Variants in METTL26 observed in about 807,000 individuals in gnomAD.
METTL26 encodes methyltransferase like 26, also known as methyltransferase-like 26.
METTL26 carries 28 observed loss-of-function variants against 24.7 expected under a neutral mutation model. That is an observed-to-expected ratio of 1.13 (90% CI 0.84 to 1.55). METTL26 has a LOEUF of 1.55. Among genes scored for constraint, METTL26 ranks in the 40% most tolerant of loss-of-function variants. METTL26 has a pLI of 0.00. For synonymous variants in METTL26, 165 were observed against 125.2 expected, an observed-to-expected ratio of 1.32 and a Z score of -2.12; for missense variants, 344 against 281.2, an observed-to-expected ratio of 1.22 and a Z score of -1.60.
Position 636,090 on chromosome 16 carries a change from G to T in METTL26, c.197+4C>A, listed in dbSNP as rs1195079275. The stretch of plus-strand genomic sequence containing the variant: ...GATAGAAGTGGCCGCCCCGGGGGCC[G>T]CACCTGTCCAGGCAGCGCTGGTCCA... On this transcript the variant is annotated splice_donor_region_variant and intron_variant, in intron 1 of 5. Transcript: ENST00000301686. 7.1e-7 allele frequency: 1 copy of T among 1,405,906 alleles called. No homozygotes were observed. The highest frequency in any genetic ancestry group is 3.3e-5 in the Admixed American group (1 of 30,658). 87.1% of individuals were successfully genotyped at this position (1,405,906 alleles called of 1,614,324 possible).
intron 3 of METTL26, 149 bp downstream of exon 3, chr16:635,132 C>T (rs976000953): frequency 3.4e-6 from 5 of 1,484,692 alleles, no homozygotes; most frequent in South Asian, 2.6e-5. Flanking sequence ...GGCAGATGAC[C>T]CAGGGAGGGG....
chr16:635,325 C>T lies in METTL26; in HGVS notation c.376G>A (p.Ala126Thr), dbSNP rs764888375. The T allele has an allele frequency of 6.2e-7, 1 of 1,600,154 alleles. No individual in the cohort carries two copies. Among genetic ancestry groups the T allele is most frequent in the Non-Finnish European group, 8.5e-7 (1 of 1,173,484 alleles). Residue 126 changes from alanine to threonine, a missense_variant, in exon 3 of 6, where the codon GCA becomes ACA. Ala to Thr is a moderately conservative substitution (Grantham distance 58, BLOSUM62 0). Coordinates refer to ENST00000301686, the MANE Select transcript of METTL26 (RefSeq NM_032366.5). Reference sequence around the variant, plus strand: ...GCCCTGGGTTTGAGCAGGTGTCCTGCTGCTCTGAAGAGCCCCTGGTGAGTA... The same window carrying T: ...GCCCTGGGTTTGAGCAGGTGTCCTGTTGCTCTGAAGAGCCCCTGGTGAGTA... ...LRCTEGLFRAAGHLLKPRALL... is the reference protein window; with the variant it reads ...LRCTEGLFRATGHLLKPRALL...
chr16:635,640 G>A lies in METTL26; in HGVS notation c.332C>T (p.Ala111Val), dbSNP rs1474957692. ...SLDLLLCINM[A>V]HVSPLRCTEG... The stretch of plus-strand genomic sequence containing the variant: ...CGTGCAGCGCAGGGGGCTGACATGG[G>A]CCATGTTGATGCAGAGCAACAGGTC... The change falls in exon 2 of 6, where the codon GCC (alanine) becomes GTC (valine). Residue 111 changes from alanine (A) to valine (V), a missense_variant. Coordinates refer to ENST00000301686, the MANE Select transcript of METTL26 (RefSeq NM_032366.5). 9 of 1,550,354 alleles carry A rather than the reference G, an allele frequency of 5.8e-6. No individual in the cohort carries two copies. Among genetic ancestry groups the A allele is most frequent in the Admixed American group, 2.0e-5 (1 of 51,038 alleles).
In METTL26 at chr16:634,770, T is replaced by C; in HGVS notation, c.516A>G (p.Thr172=). The change falls in exon 5 of 6, where the codon ACA becomes ACG. Residue 172 remains threonine, a synonymous_variant. Coordinates refer to ENST00000301686, the MANE Select transcript of METTL26 (RefSeq NM_032366.5). ...CCTTTCCCAGGTCCTCCAGGAGGGC[T>C]GTGTCCCGAAGCCCCCATTCTGGGT... The part of the protein sequence containing the change: ...CRNPEWGLRD[T]ALLEDLGKAS... 6.2e-7 allele frequency: 1 copy of C among 1,612,172 alleles called. No individual in the cohort carries two copies. The highest frequency in any genetic ancestry group is 8.5e-7 in the Non-Finnish European group (1 of 1,179,572).
chr16:634,680 C>G, intron 5 of METTL26, 36 bp from the exon 6 acceptor site: 1 of 1,613,000 alleles, frequency 6.2e-7, no homozygotes, highest in Non-Finnish European at 8.5e-7. Context: ...GGCCCTCAAC[C>G]CCTAGAGAGG....
rs1167647504 is a variant in METTL26 at position 636,302 on chromosome 16, C to T, written c.-12G>A. The T allele has an allele frequency of 9.2e-6, 13 of 1,413,554 alleles. No individual in the cohort carries two copies. The highest frequency in any genetic ancestry group is 2.6e-4 in the Middle Eastern group (1 of 3,910). 87.6% of individuals were successfully genotyped at this position (1,413,554 alleles called of 1,614,324 possible). ...GCCGCCACCAGCATCGCGGCAGCAA[C>T]AACTCCCCGCCGCGGACGCGGCGCG... On this transcript the variant is annotated 5_prime_UTR_variant, in exon 1 of 6. Coordinates refer to ENST00000301686, the MANE Select transcript of METTL26 (RefSeq NM_032366.5).
chr16:636,094 C>A lies in METTL26; in HGVS notation c.197G>T (p.Ser66Ile), dbSNP rs2037158732. ...GAAGTGGCCGCCCCGGGGGCCGCAC[C>A]TGTCCAGGCAGCGCTGGTCCACGTC... ...PSDVDQRCLDSIAATTQAQGL... is the reference protein window; with the variant it reads ...PSDVDQRCLDIIAATTQAQGL... Residue 66 changes from serine to isoleucine, a missense_variant and splice_region_variant, in exon 1 of 6, where the codon AGC becomes ATC. Physicochemically the swap from Ser to Ile is moderately radical, Grantham distance 142. Coordinates refer to ENST00000301686, the MANE Select transcript of METTL26 (RefSeq NM_032366.5). The A allele has an allele frequency of 2.1e-6, 3 of 1,406,772 alleles. No individual in the cohort carries two copies. Among genetic ancestry groups the A allele is most frequent in the South Asian group, 3.1e-5 (2 of 64,734 alleles). The allele number at this position is 1,406,772 out of a possible 1,614,324, so 87.1% of individuals were successfully genotyped here.
At chr16:635,051 G>A in intron 3 of METTL26, 95 bp from the exon 4 acceptor site, 2 of 1,530,874 alleles carry the variant, frequency 1.3e-6, no homozygotes, top group Admixed American at 2.2e-5. Context: ...GAGAATGAAA[G>A]GGCACCCCCT....
chr16:634,870 C>T lies in METTL26; in HGVS notation c.488+19G>A. 1 of 1,575,484 alleles carries T rather than the reference C, an allele frequency of 6.3e-7. No individual in the cohort carries two copies. Among genetic ancestry groups the T allele is most frequent in the Non-Finnish European group, 8.6e-7 (1 of 1,160,118 alleles). ...AGCCACCTGCCACCTGAGCCAGACC[C>T]CCCGCCTCTAGCTCTGACCTGCATC... On this transcript the variant is annotated intron_variant, in intron 4 of 5. Transcript: ENST00000301686.
Position 636,258 on chromosome 16 carries a change from C to G in METTL26, c.33G>C (p.Lys11Asn). The G allele has an allele frequency of 1.4e-6, 2 of 1,466,750 alleles. No homozygotes were observed. Among genetic ancestry groups the G allele is most frequent in the Non-Finnish European group, 1.8e-6 (2 of 1,115,254 alleles). 90.9% of individuals were successfully genotyped at this position (1,466,750 alleles called of 1,614,324 possible). The change falls in exon 1 of 6, where the codon AAG (lysine) becomes AAC (asparagine). Residue 11 changes from lysine (K) to asparagine (N), a missense_variant. Lys to Asn is a moderately conservative substitution (Grantham distance 94). Transcript: ENST00000301686. ...GCCGCAGCACGTGCAAGATGGGATC[C>G]TTGTTCCGCTCCGCGGCCGCCGCCA... Reference protein sequence around the residue: MLVAAAAERNKDPILHVLRQY... With the variant: MLVAAAAERNNDPILHVLRQY...
chr16:635,186 G>A, intron 3 of METTL26, 95 bp downstream of exon 3: 1 of 1,479,148 alleles, frequency 6.8e-7, no homozygotes, highest in Non-Finnish European at 9.1e-7. Context: ...TGGCTGGGCG[G>A]GGGGCAGGGA....
chr16:634,882 C>T lies in METTL26; in HGVS notation c.488+7G>A. Reference sequence around the variant, plus strand: ...CCTGAGCCAGACCCCCCGCCTCTAGCTCTGACCTGCATCTGAGCATCAGGT... The same window carrying T: ...CCTGAGCCAGACCCCCCGCCTCTAGTTCTGACCTGCATCTGAGCATCAGGT... On this transcript the variant is annotated splice_region_variant and intron_variant, in intron 4 of 5. Coordinates refer to ENST00000301686, the MANE Select transcript of METTL26 (RefSeq NM_032366.5). 6.3e-7 allele frequency: 1 copy of T among 1,595,788 alleles called. No individual in the cohort carries two copies. The highest frequency in any genetic ancestry group is 8.5e-7 in the Non-Finnish European group (1 of 1,171,562).
Position 635,341 on chromosome 16 carries a change from CT to C in METTL26, c.361-2del. 1 of 1,598,426 alleles carries C rather than the reference CT, an allele frequency of 6.3e-7. No homozygotes were observed. The highest frequency in any genetic ancestry group is 8.5e-7 in the Non-Finnish European group (1 of 1,172,546). On this transcript the variant is annotated splice_acceptor_variant, in intron 2 of 5. Coordinates refer to ENST00000301686, the MANE Select transcript of METTL26 (RefSeq NM_032366.5). LOFTEE classifies it high-confidence loss of function. The stretch of plus-strand genomic sequence containing the variant: ...GGTGTCCTGCTGCTCTGAAGAGCCC[CT>C]GGTGAGTAGGAACAGGACGGCAGTG...
Position 636,083 on chromosome 16 carries a change from G to A in METTL26, c.197+11C>T. The A allele has an allele frequency of 7.1e-7, 1 of 1,405,518 alleles. No individual in the cohort carries two copies. The highest frequency in any genetic ancestry group is 1.5e-5 in the African/African-American group (1 of 66,380). The allele number at this position is 1,405,518 out of a possible 1,614,324, so 87.1% of individuals were successfully genotyped here. A position where few individuals can be genotyped will look rare whatever the true frequency, so the allele number is the denominator to read the frequency against. On this transcript the variant is annotated intron_variant, in intron 1 of 5. Coordinates refer to ENST00000301686, the MANE Select transcript of METTL26 (RefSeq NM_032366.5). ...CCGCACCGATAGAAGTGGCCGCCCCGGGGGCCGCACCTGTCCAGGCAGCGC... is the reference window on the plus strand; with the variant it reads ...CCGCACCGATAGAAGTGGCCGCCCCAGGGGCCGCACCTGTCCAGGCAGCGC...
chr16:635,023 C>G, intron 3 of METTL26, 67 bp from the exon 4 acceptor site: 1 of 1,543,172 alleles, frequency 6.5e-7, no homozygotes, highest in Non-Finnish European at 8.7e-7. Context: ...CTGGGACAGA[C>G]TTGCAGGCTG....
In METTL26 at chr16:635,534, G is replaced by A. The variant is rs1326164003; in HGVS notation, c.360+78C>T. The A allele has an allele frequency of 7.2e-6, 11 of 1,525,992 alleles. No individual in the cohort carries two copies. The South Asian group carries it at 9.6e-5, about 13-fold the overall frequency. The allele number at this position is 1,525,992 out of a possible 1,614,324, so 94.5% of individuals were successfully genotyped here. A position where few individuals can be genotyped will look rare whatever the true frequency, so the allele number is the denominator to read the frequency against. On this transcript the variant is annotated intron_variant, in intron 2 of 5. Transcript: ENST00000301686. ...GACCCTCACCCCGACTGTGATGGGG[G>A]CAAATCTGGCATCCCAGCTGCCCCC...
rs377139768 is a variant in METTL26, at chr16:634,496, T to C, written c.*101A>G. ...TCGGCCAGCGGCTGAGAGCACAGAC[T>C]GGGTGGGGCTGTCGTCCACAAGGTC... On this transcript the variant is annotated 3_prime_UTR_variant, in exon 6 of 6. Coordinates refer to ENST00000301686, the MANE Select transcript of METTL26 (RefSeq NM_032366.5). The C allele has an allele frequency of 3.1e-6, 5 of 1,602,722 alleles. No individual in the cohort carries two copies. The highest frequency in any genetic ancestry group is 4.3e-6 in the Non-Finnish European group (5 of 1,170,934).
chr16:635,959 C>T, intron 1 of METTL26, 135 bp downstream of exon 1: 6 of 1,362,464 alleles, frequency 4.4e-6, no homozygotes, highest in Non-Finnish European at 5.8e-6. Flanking sequence ...AGGGCCTGCC[C>T]CGGGGGCACC....
At chr16:635,429 G>T (rs1052992048) in intron 2 of METTL26, 89 bp from the exon 3 acceptor site, 3 of 1,100,720 alleles carry the variant, frequency 2.7e-6, no homozygotes, top group South Asian at 3.0e-5. Flanking sequence ...GACTGTGATG[G>T]GGGAGGCTGG....
Sources: gnomAD v4.1 joint callset for allele counts on GRCh38, gnomAD v4.1.1 for gene constraint, MANE v1.5 for transcripts, NCBI Gene and HGNC (gene_info 2026-07-23, HGNC 2026-07-21) for gene names.